COL19A1: variants seen among roughly 807,000 people sequenced by gnomAD.
The protein encoded by COL19A1 is collagen type XIX alpha 1 chain, also known as collagen alpha-1(XIX) chain.
In COL19A1, 159 loss-of-function variants were observed where a neutral mutation model predicts 190.2. The observed-to-expected ratio is 0.84, with a 90% CI of 0.73 to 0.95. The LOEUF (loss-of-function observed/expected upper bound fraction) is 0.95. Among genes scored for constraint, COL19A1 ranks in the 40% least tolerant of loss-of-function variants. The pLI, the probability that COL19A1 is intolerant of heterozygous loss-of-function variation, is 0.00. For missense variants in COL19A1, 1,418 were observed against 1,431.9 expected (o/e 0.99, Z 0.16); for synonymous variants, 509 against 458.9 (o/e 1.11, Z -1.39).
intron 1 of COL19A1, among the ~76,000 whole-genome samples, chr6:69,876,186 A>G (rs1768117739): frequency 6.6e-6 from 1 of 152,204 alleles, no homozygotes; most frequent in African/African-American, 2.4e-5. Flanking sequence ...CAATTCTTCG[A>G]TAACTAGAAC....
At chr6:69,875,553 T>C (rs939068142) in intron 1 of COL19A1, among the ~76,000 whole-genome samples, 1 of 152,060 alleles carries the variant, frequency 6.6e-6, no homozygotes, top group African/African-American at 2.4e-5. Flanking sequence ...GAGAAATAAG[T>C]GGATGTGAGA....
At chr6:70,182,694 A>G (rs527924874) in intron 44 of COL19A1, among the ~76,000 whole-genome samples, 39 of 152,228 alleles carry the variant, frequency 2.6e-4, no homozygotes, top group Non-Finnish European at 5.4e-4. Context: ...AGTGATCAAC[A>G]TACAGGTAAG....
In COL19A1 at chr6:70,010,493, G is replaced by A. The variant is rs566845250; in HGVS notation, c.1027-13134G>A. Among the ~76,000 whole-genome samples, 670 of 142,988 alleles carry A rather than the reference G, an allele frequency of 4.7e-3. 55 individuals carry two copies. Among genetic ancestry groups the A allele is most frequent in the Non-Finnish European group, 6.6e-3 (439 of 66,872 alleles). 93.8% of individuals were successfully genotyped at this position (142,988 alleles called of 152,430 possible). A position where few individuals can be genotyped will look rare whatever the true frequency, so the allele number is the denominator to read the frequency against. On this transcript the variant is annotated intron_variant, in intron 11 of 50. Transcript: ENST00000620364. Reference sequence around the variant, plus strand: ...AGTGCCAGAGAGTTGGCGCAGGCCAGTGTGTGTGCGCACCGTGCGCGAGCG... The same window carrying A: ...AGTGCCAGAGAGTTGGCGCAGGCCAATGTGTGTGCGCACCGTGCGCGAGCG...
At chr6:69,932,695 T>G in intron 6 of COL19A1, 88 bp from the exon 7 acceptor site, 1 of 684,556 alleles carries the variant, frequency 1.5e-6, no homozygotes, top group Non-Finnish European at 2.5e-6. Flanking sequence ...GCTTCCTTTT[T>G]CTTTCTGATT....
intron 4 of COL19A1, among the ~76,000 whole-genome samples, chr6:69,917,268 G>A (rs142914401): frequency 5.3e-4 from 81 of 152,242 alleles, no homozygotes; most frequent in African/African-American, 1.8e-3. Context: ...AATCACATAG[G>A]ATTTGACTTT....
intron 15 of COL19A1, among the ~76,000 whole-genome samples, chr6:70,072,230 C>G (rs528771548): frequency 6.6e-6 from 1 of 152,232 alleles, no homozygotes; most frequent in Admixed American, 6.5e-5. Flanking sequence ...GTATTCCTAA[C>G]AAACAGACTC....
chr6:70,173,008 T>C (rs78532481), intron 41 of COL19A1, among the ~76,000 whole-genome samples: 5,908 of 152,312 alleles, frequency 0.039, 154 homozygotes, highest in Non-Finnish European at 0.06. Context: ...ATTTTCAGAT[T>C]GATTGCATTA....
intron 1 of COL19A1, among the ~76,000 whole-genome samples, chr6:69,876,891 T>G (rs1042901679): frequency 6.6e-6 from 1 of 152,188 alleles, no homozygotes; most frequent in Non-Finnish European, 1.5e-5. Flanking sequence ...TCAAAAGAAA[T>G]AAGGCTTAAA....
chr6:70,146,218 A>G (rs1161428139), intron 25 of COL19A1, among the ~76,000 whole-genome samples: 1 of 152,166 alleles, frequency 6.6e-6, no homozygotes, highest in East Asian at 1.9e-4. Flanking sequence ...ATTGTAAAAC[A>G]GAAAAACTAC....
At chr6:69,891,759 A>G (rs1034637434) in intron 2 of COL19A1, among the ~76,000 whole-genome samples, 8 of 152,214 alleles carry the variant, frequency 5.3e-5, no homozygotes, top group Non-Finnish European at 1.0e-4. Context: ...CACCTCATTT[A>G]TGCCATGGAT....
At chr6:70,080,144 C>G (rs1782155581) in intron 15 of COL19A1, among the ~76,000 whole-genome samples, 1 of 152,144 alleles carries the variant, frequency 6.6e-6, no homozygotes, top group Admixed American at 6.6e-5. Context: ...ATATTCTTCT[C>G]ATATAGAAAG....
intron 1 of COL19A1, among the ~76,000 whole-genome samples, chr6:69,878,512 C>CTA (rs947145199): frequency 6.6e-6 from 1 of 151,860 alleles, no homozygotes; most frequent in African/African-American, 2.4e-5. Flanking sequence ...CACGCTCGGC[C>CTA]TATATATATA....
chr6:69,977,251 A>T (rs1006142113), intron 11 of COL19A1, among the ~76,000 whole-genome samples: 1 of 152,144 alleles, frequency 6.6e-6, no homozygotes, highest in African/African-American at 2.4e-5. Flanking sequence ...TGATGAGTTC[A>T]TGTCCTTTGT....
In COL19A1 at chr6:70,094,435, G is replaced by A. The variant is rs549547487; in HGVS notation, c.1225-7734G>A. On this transcript the variant is annotated intron_variant, in intron 15 of 50. Coordinates refer to ENST00000620364, the MANE Select transcript of COL19A1 (RefSeq NM_001858.6). ...TATGGAAACAGGGGAATGTTAGAGA[G>A]AAGTCAGCTGAATTACCGTGACCTG... Among the ~76,000 whole-genome samples, 10 of 152,290 alleles carry A rather than the reference G, an allele frequency of 6.6e-5. No homozygotes were observed. The South Asian group carries it at 2.1e-3, about 32-fold the overall frequency.
At chr6:70,159,633 G>C (rs1787663939) in intron 34 of COL19A1, among the ~76,000 whole-genome samples, 1 of 152,078 alleles carries the variant, frequency 6.6e-6, no homozygotes, top group Non-Finnish European at 1.5e-5. Flanking sequence ...GCATTGAATG[G>C]ACAAACCTAG....
At chr6:70,186,630 G>A (rs1034623284) in intron 46 of COL19A1, among the ~76,000 whole-genome samples, 5 of 152,068 alleles carry the variant, frequency 3.3e-5, no homozygotes, top group African/African-American at 4.8e-5. Context: ...GCATCATTCC[G>A]TCATATTTGG....
intron 27 of COL19A1, among the ~76,000 whole-genome samples, chr6:70,148,187 C>T (rs996669863): frequency 6.6e-6 from 1 of 151,968 alleles, no homozygotes; most frequent in East Asian, 1.9e-4. Context: ...CCCCTCTCCC[C>T]TCTTCAGAGA....
chr6:70,000,066 G>A (rs1777166363), intron 11 of COL19A1, among the ~76,000 whole-genome samples: 1 of 151,910 alleles, frequency 6.6e-6, no homozygotes, highest in African/African-American at 2.4e-5. Flanking sequence ...TCCCCTCCCT[G>A]TGTCCATTGT....
chr6:70,072,959 TTTTA>T (rs70987496), intron 15 of COL19A1, among the ~76,000 whole-genome samples: 7,144 of 144,084 alleles, frequency 0.05, 228 homozygotes, highest in African/African-American at 0.088. Context: ...ATTGCCTGAA[TTTTA>T]TTTATTTATT....
Sources: allele counts gnomAD v4.1 joint callset (sites outside exome capture counted in the v4.1 genomes callset), GRCh38; gene constraint gnomAD v4.1.1; transcripts MANE v1.5; gene names NCBI Gene and HGNC (gene_info 2026-07-23, HGNC 2026-07-21).